The following DGKE variants were observed in gnomAD, a reference collection of about 807,000 sequenced individuals.
DGKE encodes diacylglycerol kinase epsilon.
In DGKE, 53 loss-of-function variants were observed where a neutral mutation model predicts 70.0. The observed-to-expected ratio is 0.76, with a 90% CI of 0.61 to 0.95. The LOEUF is 0.95. Ranked by LOEUF, DGKE falls within the 40% of genes least tolerant of loss-of-function variation. The probability of loss-of-function intolerance (pLI) is 0.00; values close to 1 mark genes in which losing one functional copy is unlikely to be tolerated. For missense variants in DGKE, 655 were observed against 706.9 expected, an observed-to-expected ratio of 0.93 and a Z score of 0.83; for synonymous variants, 291 against 257.0, an observed-to-expected ratio of 1.13 and a Z score of -1.27.
chr17:56,844,799 G>A (rs940860083), intron 3 of DGKE, among the ~76,000 whole-genome samples: 1 of 152,088 alleles, frequency 6.6e-6, no homozygotes, highest in African/African-American at 2.4e-5. Flanking sequence ...TGAAATTGAT[G>A]TAACTTATTG....
At chr17:56,852,039 G>A (rs1440420825) in intron 7 of DGKE, among the ~76,000 whole-genome samples, 1 of 151,808 alleles carries the variant, frequency 6.6e-6, no homozygotes, top group African/African-American at 2.4e-5. Context: ...CTGCACTCCA[G>A]CCTGGGTGAC....
chr17:56,834,816 G>A lies in DGKE; in HGVS notation c.21G>A (p.Pro7=), dbSNP rs758731271. ...AGAAGATGGAAGCGGAGAGGCGGCC[G>A]GCGCCGGGCTCGCCCTCCGAGGGCC... MEAERR[P]APGSPSEGLF... is the part of the protein sequence containing the mutation. The change falls in exon 2 of 12, where the codon CCG becomes CCA. Residue 7 remains proline, a synonymous_variant. Coordinates refer to ENST00000284061, the MANE Select transcript of DGKE (RefSeq NM_003647.3). 5 of 1,604,170 alleles carry A rather than the reference G, an allele frequency of 3.1e-6. No homozygotes were observed. Among genetic ancestry groups the A allele is most frequent in the Middle Eastern group, 4.2e-4 (2 of 4,714 alleles).
At position 56,867,468 on chromosome 17, in the gene DGKE, T is replaced by G. The variant is rs1222184180; in HGVS notation, c.*4677T>G. On this transcript the variant is annotated 3_prime_UTR_variant, in exon 12 of 12. Transcript: ENST00000284061. Reference sequence around the variant, plus strand: ...TACAAAAAAAATTAGCCAGGTACATTGGCACATGCCTTTAATCCCAGCTAA... The same window carrying G: ...TACAAAAAAAATTAGCCAGGTACATGGGCACATGCCTTTAATCCCAGCTAA... 1 of 152,106 alleles carries G rather than the reference T, an allele frequency of 6.6e-6. No homozygotes were observed. The highest frequency in any genetic ancestry group is 1.5e-5 in the Non-Finnish European group (1 of 68,058). The allele number at this position is 152,106 out of a possible 1,614,324, so 9.4% of individuals were successfully genotyped here.
At chr17:56,841,342 A>C (rs968146835) in intron 2 of DGKE, among the ~76,000 whole-genome samples, 1 of 152,140 alleles carries the variant, frequency 6.6e-6, no homozygotes, top group Non-Finnish European at 1.5e-5. Flanking sequence ...TTAAAAACTT[A>C]AGTAGATTAA....
rs1567822801 is a variant in DGKE at position 56,858,680 on chromosome 17, CTTTTTA to C, written c.1284+21_1284+26del. On this transcript the variant is annotated intron_variant, in intron 9 of 11. Coordinates refer to ENST00000284061, the MANE Select transcript of DGKE (RefSeq NM_003647.3). ...AAAAAGTTGAGGTAAGCTATTAACA[CTTTTTA>C]TTTTTTAAAGTTTTAGGTGGTCTCT... is the stretch of plus-strand genomic sequence containing the variant. 1.3e-6 allele frequency: 2 copies of C among 1,565,642 alleles called. No individual in the cohort carries two copies. Among genetic ancestry groups the C allele is most frequent in the South Asian group, 2.4e-5 (2 of 84,694 alleles).
In DGKE at chr17:56,868,499, C is replaced by T. The variant is rs1341466947; in HGVS notation, c.*5708C>T. 6.6e-6 allele frequency: 1 copy of T among 152,286 alleles called. No homozygotes were observed. Among genetic ancestry groups the T allele is most frequent in the East Asian group, 1.9e-4 (1 of 5,198 alleles). 9.4% of individuals were successfully genotyped at this position (152,286 alleles called of 1,614,324 possible). ...CTCCACTTGCTCAGCCAGCTGGCCT[C>T]TTGCACTTTCCCCTGCCCACCACTT... On this transcript the variant is annotated 3_prime_UTR_variant, in exon 12 of 12. Transcript: ENST00000284061.
chr17:56,842,946 G>T (rs780605626), intron 2 of DGKE, among the ~76,000 whole-genome samples: 4 of 152,068 alleles, frequency 2.6e-5, no homozygotes, highest in Admixed American at 2.6e-4. Context: ...ATGTTCTTAC[G>T]TCTATTTCAA....
At position 56,865,102 on chromosome 17, in the gene DGKE, C is replaced by CA. The variant is rs1908479995; in HGVS notation, c.*2312dup. 2.6e-5 allele frequency: 4 copies of CA among 152,202 alleles called. No individual in the cohort carries two copies. Among genetic ancestry groups the CA allele is most frequent in the African/African-American group, 9.6e-5 (4 of 41,538 alleles). The allele number at this position is 152,202 out of a possible 1,614,324, so 9.4% of individuals were successfully genotyped here. A position where few individuals can be genotyped will look rare whatever the true frequency, so the allele number is the denominator to read the frequency against. On this transcript the variant is annotated 3_prime_UTR_variant, in exon 12 of 12. Coordinates refer to ENST00000284061, the MANE Select transcript of DGKE (RefSeq NM_003647.3). ...GCAAAATTCACTTACTTTTTGGGCA[C>CA]ATTTACCCAGCATTTCAAATAAGTG... is the stretch of plus-strand genomic sequence containing the variant.
rs1052770328 is a variant in DGKE, at chr17:56,866,179, T to C, written c.*3388T>C. The C allele has an allele frequency of 6.6e-6, 1 of 152,236 alleles. No homozygotes were observed. Among genetic ancestry groups the C allele is most frequent in the African/African-American group, 2.4e-5 (1 of 41,468 alleles). The allele number at this position is 152,236 out of a possible 1,614,324, so 9.4% of individuals were successfully genotyped here. Reference sequence around the variant, plus strand: ...CTTTTAAACAGTGTCCCCCTGTCTTTTTCAATTTTTCCCTTGAAGCCTTTC... The same window carrying C: ...CTTTTAAACAGTGTCCCCCTGTCTTCTTCAATTTTTCCCTTGAAGCCTTTC... On this transcript the variant is annotated 3_prime_UTR_variant, in exon 12 of 12. Transcript: ENST00000284061.
intron 6 of DGKE, 80 bp from the exon 7 acceptor site, chr17:56,849,101 G>A: frequency 7.1e-7 from 1 of 1,411,308 alleles, no homozygotes; most frequent in Non-Finnish European, 9.7e-7. Context: ...TATTTTAATA[G>A]AAAACCCTCA....
Position 56,835,344 on chromosome 17 carries a change from C to T in DGKE, c.464+85C>T, listed in dbSNP as rs1022656591. The T allele has an allele frequency of 5.1e-6, 7 of 1,360,316 alleles. No homozygotes were observed. In the African/African-American group the frequency reaches 1.0e-4, roughly 20 times the overall value. The allele number at this position is 1,360,316 out of a possible 1,614,324, so 84.3% of individuals were successfully genotyped here. ...GAGTGGTGTAGAGGCCTGCTTTAAT[C>T]TCTGCTGATGACCTAAACTCATTTT... On this transcript the variant is annotated intron_variant, in intron 2 of 11. Transcript: ENST00000284061.
intron 7 of DGKE, among the ~76,000 whole-genome samples, chr17:56,850,336 T>C (rs958174013): frequency 6.6e-6 from 1 of 151,980 alleles, no homozygotes; most frequent in Non-Finnish European, 1.5e-5. Context: ...TCTCCCTATA[T>C]TGTCCAGGCT....
chr17:56,845,108 C>T (rs921591823), intron 3 of DGKE, among the ~76,000 whole-genome samples: 6 of 152,200 alleles, frequency 3.9e-5, no homozygotes, highest in African/African-American at 1.4e-4. Context: ...AGAATAACTT[C>T]ATTAATGGTT....
chr17:56,836,791 C>T (rs1184142620), intron 2 of DGKE, among the ~76,000 whole-genome samples: 1 of 152,200 alleles, frequency 6.6e-6, no homozygotes, highest in East Asian at 1.9e-4. Context: ...CTACCACCAC[C>T]TGCATTAAAC....
In DGKE at chr17:56,862,018, G is replaced by A. The variant is rs1908323678; in HGVS notation, c.1412+100G>A. The A allele has an allele frequency of 3.3e-6, 5 of 1,525,960 alleles. No individual in the cohort carries two copies. In the Admixed American group the frequency reaches 6.5e-5, roughly 20 times the overall value. 94.5% of individuals were successfully genotyped at this position (1,525,960 alleles called of 1,614,324 possible). On this transcript the variant is annotated intron_variant, in intron 10 of 11. Coordinates refer to ENST00000284061, the MANE Select transcript of DGKE (RefSeq NM_003647.3). ...TTTTTCCTCAAATTTTCTTTTTTGT[G>A]TATCTCATTAGTTATAAATATTTTT...
In DGKE at chr17:56,865,556, TGTTTTAG is replaced by T. The variant is rs1198894752; in HGVS notation, c.*2771_*2777del. 6 of 152,174 alleles carry T rather than the reference TGTTTTAG, an allele frequency of 3.9e-5. No individual in the cohort carries two copies. Among genetic ancestry groups the T allele is most frequent in the African/African-American group, 1.4e-4 (6 of 41,466 alleles). The allele number at this position is 152,174 out of a possible 1,614,324, so 9.4% of individuals were successfully genotyped here. The stretch of plus-strand genomic sequence containing the variant: ...CTAGTAAAGTTACATGATTTAGGTG[TGTTTTAG>T]GTTTTCTGCAACAATTAGCTGTGAA... On this transcript the variant is annotated 3_prime_UTR_variant, in exon 12 of 12. Transcript: ENST00000284061.
In DGKE at chr17:56,848,727, T is replaced by C; in HGVS notation, c.920T>C (p.Val307Ala). The C allele has an allele frequency of 6.2e-7, 1 of 1,614,130 alleles. No homozygotes were observed. Among genetic ancestry groups the C allele is most frequent in the Non-Finnish European group, 8.5e-7 (1 of 1,179,994 alleles). ...GAAAAGTACATTCCACAAGTTGCAGTTTTGCCTCTGGGAACAGGCAACGAT... is the reference window on the plus strand; with the variant it reads ...GAAAAGTACATTCCACAAGTTGCAGCTTTGCCTCTGGGAACAGGCAACGAT... ...GQEKYIPQVA[V>A]LPLGTGNDLS... Residue 307 changes from valine (V) to alanine (A), a missense_variant, in exon 6 of 12, where the codon GTT becomes GCT. Val to Ala is a moderately conservative substitution (Grantham distance 64). Coordinates refer to ENST00000284061, the MANE Select transcript of DGKE (RefSeq NM_003647.3).
intron 7 of DGKE, among the ~76,000 whole-genome samples, chr17:56,852,034 C>T (rs1907681276): frequency 6.6e-6 from 1 of 152,146 alleles, no homozygotes; most frequent in African/African-American, 2.4e-5. Context: ...CGCCACTGCA[C>T]TCCAGCCTGG....
At chr17:56,835,997 C>A (rs758456487) in intron 2 of DGKE, 3 of 152,168 alleles carry the variant, frequency 2.0e-5, no homozygotes, top group Non-Finnish European at 4.4e-5. Flanking sequence ...TAACTCAGTT[C>A]ACAGTTGAGA....
Sources: allele counts gnomAD v4.1 joint callset (sites outside exome capture counted in the v4.1 genomes callset), GRCh38; gene constraint gnomAD v4.1.1; transcripts MANE v1.5; gene names NCBI Gene and HGNC (gene_info 2026-07-23, HGNC 2026-07-21).